Variants in UBE3D observed in about 807,000 individuals in gnomAD.
UBE3D encodes E3 ubiquitin-protein ligase E3D.
A neutral mutation model predicts 49.6 loss-of-function variants in UBE3D; 48 were observed. The observed-to-expected ratio is 0.97, with a 90% CI of 0.77 to 1.23. The LOEUF (loss-of-function observed/expected upper bound fraction) is 1.23. Ranked by LOEUF, UBE3D falls within the 50% of genes most tolerant of loss-of-function variation. The pLI is 0.00. For synonymous variants in UBE3D, 189 were observed against 174.2 expected (o/e 1.08, Z -0.67); for missense variants, 452 against 468.4 (o/e 0.96, Z 0.32).
chr6:82,889,336 G>T (rs1200159266), downstream of UBE3D, among the ~76,000 whole-genome samples: 1 of 152,200 alleles, frequency 6.6e-6, no homozygotes, highest in Non-Finnish European at 1.5e-5. Flanking sequence ...TACAACAGTG[G>T]CTACTGAGCA....
At chr6:83,054,954 T>C (rs1178641642) in intron 2 of UBE3D, among the ~76,000 whole-genome samples, 2 of 152,182 alleles carry the variant, frequency 1.3e-5, no homozygotes, top group Non-Finnish European at 2.9e-5. Context: ...CAGCCAACTT[T>C]GAGTTTAATT....
intron 1 of UBE3D, among the ~76,000 whole-genome samples, chr6:83,059,708 G>A (rs1784043844): frequency 6.6e-6 from 1 of 152,142 alleles, no homozygotes; most frequent in Admixed American, 6.5e-5. Flanking sequence ...GTGACACAGT[G>A]GCCCAGCACG....
At chr6:82,898,902 T>C (rs1330969654) in intron 9 of UBE3D, among the ~76,000 whole-genome samples, 1 of 152,042 alleles carries the variant, frequency 6.6e-6, no homozygotes, top group Admixed American at 6.6e-5. Flanking sequence ...GTTAATTATC[T>C]CCTATGTGAC....
intron 9 of UBE3D, among the ~76,000 whole-genome samples, chr6:82,896,246 A>G (rs1771305736): frequency 6.6e-6 from 1 of 152,142 alleles, no homozygotes; most frequent in Non-Finnish European, 1.5e-5. Context: ...GGATAATTTT[A>G]TTTTGTTCCA....
At chr6:83,023,835 T>C (rs1582668389) in intron 6 of UBE3D, 134 bp downstream of exon 6, 1 of 581,526 alleles carries the variant, frequency 1.7e-6, no homozygotes, top group Non-Finnish European at 3.0e-6. Context: ...TCACTATTCA[T>C]GTAAGCAAAC....
At chr6:82,942,746 A>G (rs1013954478) in intron 9 of UBE3D, among the ~76,000 whole-genome samples, 3 of 152,228 alleles carry the variant, frequency 2.0e-5, no homozygotes, top group African/African-American at 7.2e-5. Flanking sequence ...CAGAGGATGT[A>G]TGGAAATGCC....
intron 9 of UBE3D, among the ~76,000 whole-genome samples, chr6:82,937,921 T>A (rs1373181562): frequency 6.6e-6 from 1 of 152,086 alleles, no homozygotes; most frequent in Non-Finnish European, 1.5e-5. Context: ...TCCTGTCCCT[T>A]CCTGGCAGCT....
intron 8 of UBE3D, among the ~76,000 whole-genome samples, chr6:82,972,070 A>C (rs1264651389): frequency 6.6e-6 from 1 of 152,206 alleles, no homozygotes; most frequent in African/African-American, 2.4e-5. Context: ...ATGATCTAGC[A>C]GAGCTCTCTC....
chr6:82,951,156 T>A (rs186027411), intron 9 of UBE3D, among the ~76,000 whole-genome samples: 22 of 152,322 alleles, frequency 1.4e-4, no homozygotes, highest in African/African-American at 5.3e-4. Context: ...ACAGATACCA[T>A]ATTTACCCTT....
At chr6:83,022,422 C>T (rs1221497717) in intron 7 of UBE3D, 31 bp downstream of exon 7, 1 of 1,417,176 alleles carries the variant, frequency 7.1e-7, no homozygotes, top group Non-Finnish European at 9.6e-7. Flanking sequence ...GATTCCTAGG[C>T]TACAAAAAGC....
intron 8 of UBE3D, among the ~76,000 whole-genome samples, chr6:82,985,241 T>A (rs752277260): frequency 2.6e-5 from 4 of 152,098 alleles, no homozygotes; most frequent in Non-Finnish European, 5.9e-5. Context: ...AATTTATCAC[T>A]CTCTCTCCTT....
rs777354664 is a variant in UBE3D at position 83,065,770 on chromosome 6, G to T, written c.-52C>A. On this transcript the variant is annotated 5_prime_UTR_variant, in exon 1 of 10. Transcript: ENST00000369747. ...CAAGCTGGAGGTTCCGAGGGGCCCG[G>T]GTCAACAGGACCAGGAGAGGTTCCA... is the stretch of plus-strand genomic sequence containing the variant. The T allele has an allele frequency of 6.5e-7, 1 of 1,545,974 alleles. No individual in the cohort carries two copies. The highest frequency in any genetic ancestry group is 1.2e-5 in the South Asian group (1 of 85,596).
chr6:83,044,809 C>T (rs969070550), intron 3 of UBE3D, 150 bp from the exon 4 acceptor site: 4 of 668,890 alleles, frequency 6.0e-6, no homozygotes, highest in Admixed American at 3.0e-5. Context: ...TATATACTCA[C>T]TACAGCTAAT....
At chr6:82,949,648 A>G (rs950024414) in intron 9 of UBE3D, among the ~76,000 whole-genome samples, 1 of 152,212 alleles carries the variant, frequency 6.6e-6, no homozygotes, top group African/African-American at 2.4e-5. Flanking sequence ...ATAGCATGGT[A>G]CTGGCATAAA....
chr6:83,026,350 C>A (rs1781458215), intron 5 of UBE3D, among the ~76,000 whole-genome samples: 1 of 151,968 alleles, frequency 6.6e-6, no homozygotes, highest in Non-Finnish European at 1.5e-5. Context: ...ACTCGGGAGG[C>A]TGAGGCAAGA....
chr6:83,027,702 T>C (rs2127784042), intron 5 of UBE3D, among the ~76,000 whole-genome samples: 1 of 152,278 alleles, frequency 6.6e-6, no homozygotes, highest in Admixed American at 6.5e-5. Flanking sequence ...CACTTTTTAT[T>C]CTACAGTATT....
intron 9 of UBE3D, among the ~76,000 whole-genome samples, chr6:82,919,583 A>G (rs1773175522): frequency 6.6e-6 from 1 of 151,942 alleles, no homozygotes; most frequent in Admixed American, 6.6e-5. Context: ...GCGACACAGC[A>G]AGACTCAGTC....
At chr6:82,970,526 C>T (rs1053546170) in intron 8 of UBE3D, among the ~76,000 whole-genome samples, 3 of 152,122 alleles carry the variant, frequency 2.0e-5, no homozygotes, top group African/African-American at 7.2e-5. Context: ...TCATAGGCCT[C>T]AATGACAATA....
intron 9 of UBE3D, among the ~76,000 whole-genome samples, chr6:82,911,288 A>G (rs1772507913): frequency 6.7e-6 from 1 of 148,954 alleles, no homozygotes; most frequent in Non-Finnish European, 1.5e-5. Context: ...GCAAGACTTG[A>G]TCATCAGTTC....
Sources: allele counts gnomAD v4.1 joint callset (sites outside exome capture counted in the v4.1 genomes callset), GRCh38; gene constraint gnomAD v4.1.1; transcripts MANE v1.5; gene names NCBI Gene and HGNC (gene_info 2026-07-23, HGNC 2026-07-21).